DMXL1: variants seen among roughly 807,000 people sequenced by gnomAD.
DMXL1 encodes the protein dmX-like protein 1.
Under a neutral mutation model 319.2 loss-of-function variants are expected in DMXL1, and 99 were observed. The ratio of observed to expected loss-of-function variants is 0.31; its 90% CI spans 0.26 to 0.37. DMXL1 has a LOEUF of 0.37. Ranked by LOEUF, DMXL1 falls within the 10% of genes least tolerant of loss-of-function variation. DMXL1 has a pLI of 1.00. For missense variants in DMXL1, 3,745 were observed against 3,595.6 expected (o/e 1.04, Z -1.06); for synonymous variants, 1,385 against 1,235.2 (o/e 1.12, Z -2.54).
chr5:119,101,809 T>C, intron 2 of DMXL1, 126 bp from the exon 3 acceptor site: 1 of 670,738 alleles, frequency 1.5e-6, no homozygotes, highest in Non-Finnish European at 2.6e-6. Context: ...ACTGACATTC[T>C]TAAGCATCAG....
chr5:119,107,009 G>A (rs922194585), intron 4 of DMXL1, among the ~76,000 whole-genome samples: 36 of 152,120 alleles, frequency 2.4e-4, no homozygotes, highest in African/African-American at 8.2e-4. Context: ...ATATCATAAA[G>A]CAATATATAG....
chr5:119,214,603 A>T (rs752926154), intron 34 of DMXL1, among the ~76,000 whole-genome samples: 5 of 152,112 alleles, frequency 3.3e-5, no homozygotes, highest in Admixed American at 1.3e-4. Flanking sequence ...GACTTCTGAG[A>T]TACCACTATT....
At chr5:119,089,449 G>T (rs1443118828) in intron 1 of DMXL1, among the ~76,000 whole-genome samples, 2 of 148,848 alleles carry the variant, frequency 1.3e-5, no homozygotes, top group Admixed American at 6.7e-5. Flanking sequence ...GGAATTACAG[G>T]CGCGCACCAC....
chr5:119,079,431 A>T, intron 1 of DMXL1, among the ~76,000 whole-genome samples: 1 of 152,170 alleles, frequency 6.6e-6, no homozygotes, highest in Admixed American at 6.5e-5. Flanking sequence ...TTCTTTCCAG[A>T]GTTTCTAAAA....
intron 1 of DMXL1, among the ~76,000 whole-genome samples, chr5:119,090,146 G>GAGTA (rs915682014): frequency 6.8e-6 from 1 of 146,010 alleles, no homozygotes; most frequent in African/African-American, 2.5e-5. Flanking sequence ...TCAGCCTCCC[G>GAGTA]AGTAGCTGGG....
intron 1 of DMXL1, among the ~76,000 whole-genome samples, chr5:119,093,397 A>C (rs1361984987): frequency 6.6e-6 from 1 of 151,922 alleles, no homozygotes; most frequent in Non-Finnish European, 1.5e-5. Flanking sequence ...TGGCCTCCCA[A>C]AGTGCTGGGA....
chr5:119,240,190 TTGAGCCCAGAAGGTCGAGGCTGCAG>T (rs1211944676), intron 41 of DMXL1, among the ~76,000 whole-genome samples: 1 of 152,180 alleles, frequency 6.6e-6, no homozygotes, highest in Non-Finnish European at 1.5e-5. Context: ...GGAAGATTGC[TTGAGCCCAGAAGGTCGAGGCTGCAG>T]TGAGCCAAGA....
chr5:119,190,504 G>A (rs757586864), intron 29 of DMXL1, among the ~76,000 whole-genome samples: 1 of 152,170 alleles, frequency 6.6e-6, no homozygotes, highest in African/African-American at 2.4e-5. Flanking sequence ...ACACAGCAAA[G>A]CATGCAGTTG....
At chr5:119,135,541 C>G (rs538729736) in intron 13 of DMXL1, among the ~76,000 whole-genome samples, 1 of 152,220 alleles carries the variant, frequency 6.6e-6, no homozygotes, top group African/African-American at 2.4e-5. Context: ...AGGTTTGGCT[C>G]TGTGTCCCAC....
chr5:119,194,241 G>T (rs1045160946), intron 30 of DMXL1, among the ~76,000 whole-genome samples: 1 of 152,060 alleles, frequency 6.6e-6, no homozygotes, highest in African/African-American at 2.4e-5. Context: ...GTCCATTAAT[G>T]GACCATCCGT....
At chr5:119,147,514 G>C (rs370766657) in intron 17 of DMXL1, 44 bp downstream of exon 17, 1 of 1,330,254 alleles carries the variant, frequency 7.5e-7, no homozygotes, top group Non-Finnish European at 1.1e-6. Context: ...TAACACATGA[G>C]TATTTACCAG....
intron 34 of DMXL1, among the ~76,000 whole-genome samples, chr5:119,214,970 A>C (rs754626168): frequency 1.3e-5 from 2 of 152,184 alleles, no homozygotes; most frequent in Non-Finnish European, 2.9e-5. Flanking sequence ...AAAACCTAAG[A>C]ATGAACATTT....
At chr5:119,232,808 T>TA (rs562400763) in intron 38 of DMXL1, among the ~76,000 whole-genome samples, 5,996 of 137,740 alleles carry the variant, frequency 0.044, 314 homozygotes, top group East Asian at 0.16. Flanking sequence ...ACCCTGTCTC[T>TA]AAAAAAAAAA....
chr5:119,072,000 A>G (rs1334603241), intron 1 of DMXL1, among the ~76,000 whole-genome samples: 1 of 152,082 alleles, frequency 6.6e-6, no homozygotes, highest in African/African-American at 2.4e-5. Context: ...TATAGGTTCA[A>G]ATTGTCAAAT....
intron 1 of DMXL1, among the ~76,000 whole-genome samples, chr5:119,086,249 G>A (rs752165364): frequency 7.9e-5 from 12 of 152,030 alleles, no homozygotes; most frequent in South Asian, 2.1e-4. Flanking sequence ...GGGGTAAACC[G>A]CCCCCATGAT....
intron 28 of DMXL1, among the ~76,000 whole-genome samples, chr5:119,187,231 A>G (rs1265021771): frequency 2.0e-5 from 3 of 152,266 alleles, no homozygotes; most frequent in South Asian, 2.1e-4. Context: ...TCTATATTCA[A>G]GTTGCTCTTA....
At position 119,170,220 on chromosome 5, in the gene DMXL1, T is replaced by C. The variant is rs749013765; in HGVS notation, c.5429T>C (p.Val1810Ala). The part of the protein sequence containing the change: ...DQVLSASNPT[V>A]FNFYNYLRTH... ...GTTTTATCAGCCAGTAATCCTACAGTTTTTAATTTCTACAATTATCTAAGA... is the reference window on the plus strand; with the variant it reads ...GTTTTATCAGCCAGTAATCCTACAGCTTTTAATTTCTACAATTATCTAAGA... Residue 1810 changes from valine to alanine, a missense_variant, in exon 24 of 44, where the codon GTT becomes GCT. Val to Ala is a moderately conservative substitution (Grantham distance 64). Transcript: ENST00000539542. The C allele has an allele frequency of 6.2e-7, 1 of 1,603,908 alleles. No individual in the cohort carries two copies. The highest frequency in any genetic ancestry group is 1.3e-5 in the African/African-American group (1 of 74,274).
chr5:119,150,866 C>G (rs1043547056), intron 18 of DMXL1, among the ~76,000 whole-genome samples: 2 of 151,022 alleles, frequency 1.3e-5, no homozygotes, highest in African/African-American at 4.9e-5. Context: ...TTTTTTTCCC[C>G]CCGAGACTAT....
rs151212021 is a variant in DMXL1 at position 119,189,050 on chromosome 5, T to C, written c.7136-658T>C. Among the ~76,000 whole-genome samples, 92 of 152,340 alleles carry C rather than the reference T, an allele frequency of 6.0e-4. No homozygotes were observed. In the East Asian group the frequency reaches 0.016, roughly 27 times the overall value. ...TAACTCAAGGTTGATTAAAGATTTG[T>C]ATAATTTTTTTAATGCTAATCTCTT... On this transcript the variant is annotated intron_variant, in intron 28 of 43. Transcript: ENST00000539542.
Sources: gnomAD v4.1 joint callset for allele counts (sites outside exome capture counted in the v4.1 genomes callset) on GRCh38, gnomAD v4.1.1 for gene constraint, MANE v1.5 for transcripts, NCBI Gene and HGNC (gene_info 2026-07-23, HGNC 2026-07-21) for gene names.